The following ZFYVE9 variants were observed in gnomAD, a reference collection of about 807,000 sequenced individuals.
ZFYVE9 encodes zinc finger FYVE domain-containing protein 9.
Under a neutral mutation model 126.7 loss-of-function variants are expected in ZFYVE9, and 43 were observed. The observed-to-expected ratio is 0.34, with a 90% CI of 0.27 to 0.44. The LOEUF is 0.44. Ranked by LOEUF, ZFYVE9 falls within the 20% of genes least tolerant of loss-of-function variation. ZFYVE9 has a pLI of 1.00. For synonymous variants in ZFYVE9, 521 were observed against 597.4 expected (o/e 0.87, Z 1.87); for missense variants, 1,476 against 1,697.0 (o/e 0.87, Z 2.29).
intron 1 of ZFYVE9, among the ~76,000 whole-genome samples, chr1:52,200,987 A>C (rs1644917937): frequency 6.6e-6 from 1 of 152,172 alleles, no homozygotes; most frequent in African/African-American, 2.4e-5. Context: ...CCTCCATATA[A>C]ATTTTAGGAT....
At chr1:52,298,351 A>C (rs1376761577) in intron 12 of ZFYVE9, among the ~76,000 whole-genome samples, 2 of 152,150 alleles carry the variant, frequency 1.3e-5, no homozygotes, top group African/African-American at 4.8e-5. Flanking sequence ...GTCTAGTTTC[A>C]TTCTTCTGCA....
chr1:52,311,104 A>AG (rs1245930717), intron 13 of ZFYVE9, among the ~76,000 whole-genome samples: 1 of 152,146 alleles, frequency 6.6e-6, no homozygotes, highest in Admixed American at 6.5e-5. Flanking sequence ...GAGCTCAAGC[A>AG]GTTCTTCTGC....
At chr1:52,189,538 A>C (rs1354997685) in intron 1 of ZFYVE9, among the ~76,000 whole-genome samples, 1 of 151,516 alleles carries the variant, frequency 6.6e-6, no homozygotes, top group Non-Finnish European at 1.5e-5. Flanking sequence ...AGCCCGGCCT[A>C]ATTTGTTGAT....
chr1:52,157,483 C>T (rs1449347402), intron 1 of ZFYVE9, among the ~76,000 whole-genome samples: 1 of 131,356 alleles, frequency 7.6e-6, no homozygotes, highest in African/African-American at 2.8e-5. Context: ...TCACTGCAAC[C>T]TCCACCTCCC....
At chr1:52,204,679 A>T (rs919507014) in intron 1 of ZFYVE9, among the ~76,000 whole-genome samples, 2 of 152,078 alleles carry the variant, frequency 1.3e-5, no homozygotes, top group African/African-American at 4.8e-5. Flanking sequence ...GTGAGCTGAG[A>T]TCTCGCCACT....
intron 1 of ZFYVE9, chr1:52,179,999 G>A: frequency 3.4e-6 from 3 of 895,152 alleles, no homozygotes; most frequent in South Asian, 2.6e-5. Flanking sequence ...CTTTGGAAGA[G>A]CTGGAGGATC....
At chr1:52,170,614 G>T (rs1250212686) in intron 1 of ZFYVE9, among the ~76,000 whole-genome samples, 1 of 152,056 alleles carries the variant, frequency 6.6e-6, no homozygotes, top group Non-Finnish European at 1.5e-5. Flanking sequence ...TAGGCACTTA[G>T]AGCTATAAAT....
rs184552531 is a variant in ZFYVE9 at position 52,256,362 on chromosome 1, C to T, written c.2179-7411C>T. Among the ~76,000 whole-genome samples the T allele has an allele frequency of 2.4e-3, 364 of 151,446 alleles. 2 individuals are homozygous for T. The Middle Eastern group carries it at 0.034, about 14-fold the overall frequency. On this transcript the variant is annotated intron_variant, in intron 4 of 18. Transcript: ENST00000287727. ...GATTACAGGCATGAGCCACCATGCC[C>T]GGCTCTTTTTTTTTTCTTTTTCTTT...
chr1:52,336,181 T>C (rs1353653942), intron 15 of ZFYVE9, among the ~76,000 whole-genome samples: 1 of 151,976 alleles, frequency 6.6e-6, no homozygotes, highest in African/African-American at 2.4e-5. Context: ...AGTGTGTTGA[T>C]TGAAATACGT....
chr1:52,310,463 A>G (rs557252311), intron 13 of ZFYVE9, among the ~76,000 whole-genome samples: 27 of 137,318 alleles, frequency 2.0e-4, no homozygotes, highest in African/African-American at 8.0e-4. Context: ...AGTCCTAGGT[A>G]CAGGCTGAGG....
At chr1:52,175,524 T>A (rs1450885548) in intron 1 of ZFYVE9, among the ~76,000 whole-genome samples, 1 of 150,476 alleles carries the variant, frequency 6.6e-6, no homozygotes, top group Non-Finnish European at 1.5e-5. Flanking sequence ...TGGCGTTCTC[T>A]GTATTTCCTG....
rs543522319 is a variant in ZFYVE9, at chr1:52,149,292, A to G, written c.-143+6889A>G. On this transcript the variant is annotated intron_variant, in intron 1 of 18. Coordinates refer to ENST00000287727, the MANE Select transcript of ZFYVE9 (RefSeq NM_004799.4). ...AAAAACTTTAGAAACATTAGCAAGTAATTATTGCTGACTTTGAACTATGTC... is the reference window on the plus strand; with the variant it reads ...AAAAACTTTAGAAACATTAGCAAGTGATTATTGCTGACTTTGAACTATGTC... 1.2e-4 allele frequency among the ~76,000 whole-genome samples: 18 copies of G among 152,206 alleles called. No individual in the cohort carries two copies. In the South Asian group the frequency reaches 3.3e-3, roughly 28 times the overall value.
intron 11 of ZFYVE9, among the ~76,000 whole-genome samples, chr1:52,295,302 A>G (rs796502431): frequency 3.3e-5 from 5 of 152,238 alleles, no homozygotes; most frequent in African/African-American, 1.2e-4. Context: ...GATCGTATCA[A>G]TTCAGTTTGA....
At chr1:52,186,883 G>T (rs901919902) in intron 1 of ZFYVE9, among the ~76,000 whole-genome samples, 11 of 152,084 alleles carry the variant, frequency 7.2e-5, no homozygotes, top group African/African-American at 2.4e-4. Flanking sequence ...TCATTAAAAT[G>T]GCCATACTGT....
intron 2 of ZFYVE9, among the ~76,000 whole-genome samples, chr1:52,221,071 G>A (rs949605217): frequency 6.6e-6 from 1 of 152,138 alleles, no homozygotes; most frequent in Non-Finnish European, 1.5e-5. Context: ...CAAAGGTATG[G>A]ACTACTCTGA....
intron 1 of ZFYVE9, among the ~76,000 whole-genome samples, chr1:52,215,684 G>A (rs1172712823): frequency 2.0e-5 from 3 of 152,078 alleles, no homozygotes; most frequent in Non-Finnish European, 4.4e-5. Flanking sequence ...GGCTAAATTA[G>A]GCCCTTAAAG....
chr1:52,248,845 C>G (rs1315332214), intron 4 of ZFYVE9, among the ~76,000 whole-genome samples: 1 of 152,136 alleles, frequency 6.6e-6, no homozygotes, highest in Non-Finnish European at 1.5e-5. Flanking sequence ...GCACCATATT[C>G]TTTTTCCACT....
At chr1:52,299,043 C>G (rs1646007242) in intron 12 of ZFYVE9, among the ~76,000 whole-genome samples, 1 of 151,984 alleles carries the variant, frequency 6.6e-6, no homozygotes. Context: ...CTCCTGACCT[C>G]ATGATCCGCC....
At chr1:52,340,252 A>G in intron 17 of ZFYVE9, 21 bp downstream of exon 17, 2 of 1,594,304 alleles carry the variant, frequency 1.3e-6, no homozygotes, top group Non-Finnish European at 1.7e-6. Flanking sequence ...GAAACTTGGC[A>G]TACTTGACCC....
Sources: allele counts gnomAD v4.1 joint callset (sites outside exome capture counted in the v4.1 genomes callset), GRCh38; gene constraint gnomAD v4.1.1; transcripts MANE v1.5; gene names NCBI Gene and HGNC (gene_info 2026-07-23, HGNC 2026-07-21).